The following CA1 variants were observed in gnomAD, a reference collection of about 807,000 sequenced individuals.
CA1 encodes carbonic anhydrase 1.
CA1 carries 27 observed loss-of-function variants against 28.8 expected under a neutral mutation model. The observed-to-expected ratio is 0.94, with a 90% CI of 0.69 to 1.29. The LOEUF (loss-of-function observed/expected upper bound fraction) is 1.29. CA1 is among the 50% of genes most tolerant of loss of function. The pLI is 0.00. For synonymous variants in CA1, 121 were observed against 108.8 expected, an observed-to-expected ratio of 1.11 and a Z score of -0.70; for missense variants, 335 against 310.5, an observed-to-expected ratio of 1.08 and a Z score of -0.59.
intron 1 of CA1, among the ~76,000 whole-genome samples, chr8:85,371,212 C>A (rs1189947348): frequency 1.3e-5 from 2 of 152,112 alleles, no homozygotes; most frequent in African/African-American, 4.8e-5. Context: ...GGGGTTCTAG[C>A]TCCCCTAAAG....
intron 4 of CA1, among the ~76,000 whole-genome samples, chr8:85,336,136 C>G (rs1808644104): frequency 6.6e-6 from 1 of 151,758 alleles, no homozygotes; most frequent in Non-Finnish European, 1.5e-5. Context: ...ACTATGCTGA[C>G]AGTAAAAAAG....
intron 1 of CA1, among the ~76,000 whole-genome samples, chr8:85,365,289 A>T (rs1458405749): frequency 6.6e-6 from 1 of 152,236 alleles, no homozygotes; most frequent in Admixed American, 6.5e-5. Context: ...TTTCAGAACA[A>T]CATGAAAAAA....
At chr8:85,346,895 T>C (rs2130261957) in intron 1 of CA1, among the ~76,000 whole-genome samples, 1 of 152,314 alleles carries the variant, frequency 6.6e-6, no homozygotes, top group South Asian at 2.1e-4. Flanking sequence ...AAATATTGCA[T>C]GTGGCCTGAA....
In CA1 at chr8:85,354,252, G is replaced by A. The variant is rs990033223; in HGVS notation, c.-24-12593C>T. 4.6e-5 allele frequency among the ~76,000 whole-genome samples: 7 copies of A among 151,752 alleles called. No individual in the cohort carries two copies. In the East Asian group the frequency reaches 5.8e-4, roughly 13 times the overall value. Reference sequence around the variant, plus strand: ...GGCCTCCCACAGTGCTGGGATTATAGGTGTGAGCTACTGTGCCTGGCCCAT... The same window carrying A: ...GGCCTCCCACAGTGCTGGGATTATAAGTGTGAGCTACTGTGCCTGGCCCAT... On this transcript the variant is annotated intron_variant, in intron 1 of 7. Coordinates refer to ENST00000523022, the MANE Select transcript of CA1 (RefSeq NM_001128831.4).
intron 4 of CA1, among the ~76,000 whole-genome samples, 161 bp downstream of exon 4, chr8:85,336,784 A>G (rs1363393134): frequency 6.6e-6 from 1 of 152,046 alleles, no homozygotes; most frequent in African/African-American, 2.4e-5. Context: ...TCTCTTGCCA[A>G]ACATTATGTG....
intron 1 of CA1, among the ~76,000 whole-genome samples, chr8:85,374,631 A>G (rs1250146985): frequency 6.6e-6 from 1 of 152,178 alleles, no homozygotes. Flanking sequence ...CTCTGCCTGC[A>G]GCTTTACACA....
chr8:85,332,539 T>C lies in CA1; in HGVS notation c.464A>G (p.Asn155Ser), dbSNP rs760398086. ...IGVLMKVGEA[N>S]PKLQKVLDAL... ...ATCAAGTACTTTCTGCAGCTTTGGGTTGGCCTCACCAACCTGGAGATTTAA... is the reference window on the plus strand; with the variant it reads ...ATCAAGTACTTTCTGCAGCTTTGGGCTGGCCTCACCAACCTGGAGATTTAA... Residue 155 changes from asparagine to serine, a missense_variant, in exon 6 of 8, where the codon AAC becomes AGC. Physicochemically the swap from Asn to Ser is conservative, Grantham distance 46. Coordinates refer to ENST00000523022, the MANE Select transcript of CA1 (RefSeq NM_001128831.4). 4 of 1,612,730 alleles carry C rather than the reference T, an allele frequency of 2.5e-6. No individual in the cohort carries two copies. In the African/African-American group the frequency reaches 5.3e-5, roughly 22 times the overall value.
chr8:85,345,162 A>C (rs1809127934), intron 1 of CA1, among the ~76,000 whole-genome samples: 1 of 152,170 alleles, frequency 6.6e-6, no homozygotes, highest in Non-Finnish European at 1.5e-5. Context: ...CATCACCTGT[A>C]ACAAAGCTGT....
intron 1 of CA1, among the ~76,000 whole-genome samples, chr8:85,342,503 A>G (rs1469682034): frequency 6.6e-6 from 1 of 152,170 alleles, no homozygotes; most frequent in Non-Finnish European, 1.5e-5. Context: ...CTCCTAATCC[A>G]GTTCCCTTCT....
intron 1 of CA1, chr8:85,342,608 G>A (rs749971971): frequency 2.0e-5 from 3 of 152,264 alleles, no homozygotes; most frequent in African/African-American, 4.8e-5. Context: ...GAGAACTGAT[G>A]CCAACTGAAT....
At chr8:85,376,469 C>A (rs1810420298) in intron 1 of CA1, among the ~76,000 whole-genome samples, 1 of 151,952 alleles carries the variant, frequency 6.6e-6, no homozygotes, top group Non-Finnish European at 1.5e-5. Flanking sequence ...TGAGACAATC[C>A]TGGCCAACAT....
chr8:85,336,843 A>T (rs1808675654), intron 4 of CA1, 102 bp downstream of exon 4: 2 of 789,862 alleles, frequency 2.5e-6, no homozygotes, highest in Non-Finnish European at 4.6e-6. Context: ...TGGAATACCC[A>T]TTCCTTTGGA....
At chr8:85,349,486 G>T (rs1015440489) in intron 1 of CA1, among the ~76,000 whole-genome samples, 1 of 152,150 alleles carries the variant, frequency 6.6e-6, no homozygotes, top group South Asian at 2.1e-4. Context: ...GAGTTTAGTC[G>T]TGTGGGAAAC....
chr8:85,333,214 T>C (rs925535041), intron 5 of CA1, among the ~76,000 whole-genome samples: 1 of 152,186 alleles, frequency 6.6e-6, no homozygotes, highest in Non-Finnish European at 1.5e-5. Flanking sequence ...TTAATAAATT[T>C]CAGAATCTAT....
intron 1 of CA1, among the ~76,000 whole-genome samples, chr8:85,360,061 C>T (rs974007388): frequency 1.3e-5 from 2 of 152,184 alleles, no homozygotes; most frequent in African/African-American, 2.4e-5. Context: ...ATAGAAAGAA[C>T]GGTTCAAGTC....
rs1228231348 is a variant in CA1 at position 85,338,092 on chromosome 8, C to T, written c.235+160G>A. 9 of 746,438 alleles carry T rather than the reference C, an allele frequency of 1.2e-5. No individual in the cohort carries two copies. The South Asian group carries it at 1.3e-4, about 11-fold the overall frequency. The allele number at this position is 746,438 out of a possible 1,614,324, so 46.2% of individuals were successfully genotyped here. A position where few individuals can be genotyped will look rare whatever the true frequency, so the allele number is the denominator to read the frequency against. ...GAGTTCCAAAAATTGTCTTTACCAC[C>T]TGGGCGTTTTCCAGAAGTCCAAGAT... On this transcript the variant is annotated intron_variant, in intron 3 of 7. Coordinates refer to ENST00000523022, the MANE Select transcript of CA1 (RefSeq NM_001128831.4).
intron 1 of CA1, among the ~76,000 whole-genome samples, chr8:85,343,591 T>C (rs1472562833): frequency 6.6e-6 from 1 of 152,160 alleles, no homozygotes; most frequent in South Asian, 2.1e-4. Context: ...ATTGTATACT[T>C]TGTAAAAAGC....
chr8:85,371,601 A>G (rs1178887120), intron 1 of CA1, among the ~76,000 whole-genome samples: 1 of 152,190 alleles, frequency 6.6e-6, no homozygotes, highest in African/African-American at 2.4e-5. Flanking sequence ...TGTCAGCAGT[A>G]GTCAGGTAGG....
intron 1 of CA1, among the ~76,000 whole-genome samples, chr8:85,365,303 C>G (rs1809963868): frequency 1.3e-5 from 2 of 152,186 alleles, no homozygotes; most frequent in African/African-American, 4.8e-5. Flanking sequence ...GAAAAAATTA[C>G]AGGCACATAA....
Sources: allele counts gnomAD v4.1 joint callset (sites outside exome capture counted in the v4.1 genomes callset), GRCh38; gene constraint gnomAD v4.1.1; transcripts MANE v1.5; gene names NCBI Gene and HGNC (gene_info 2026-07-23, HGNC 2026-07-21).